The following OPRM1 variants were observed in gnomAD, a reference collection of about 807,000 sequenced individuals.
OPRM1 encodes the protein mu-type opioid receptor.
OPRM1 carries 27 observed loss-of-function variants against 31.8 expected under a neutral mutation model. That is an observed-to-expected ratio of 0.85 (90% CI 0.63 to 1.17). The LOEUF (loss-of-function observed/expected upper bound fraction) is 1.17. Ranked by LOEUF, OPRM1 falls within the 50% of genes most tolerant of loss-of-function variation. The pLI is 0.00. For missense variants in OPRM1, 536 were observed against 511.1 expected, an observed-to-expected ratio of 1.05 and a Z score of -0.47; for synonymous variants, 196 against 189.9, an observed-to-expected ratio of 1.03 and a Z score of -0.26.
intron 3 of OPRM1, among the ~76,000 whole-genome samples, chr6:154,206,999 G>A (rs949205168): frequency 6.6e-6 from 1 of 152,234 alleles, no homozygotes; most frequent in Non-Finnish European, 1.5e-5. Flanking sequence ...TTTTGTGCAG[G>A]TGAATCAATG....
intron 3 of OPRM1, among the ~76,000 whole-genome samples, chr6:154,224,191 A>G (rs1192818279): frequency 1.3e-5 from 2 of 152,216 alleles, no homozygotes; most frequent in African/African-American, 4.8e-5. Context: ...TTGAAAATAC[A>G]ATCTTAATTT....
intron 3 of OPRM1, chr6:154,107,850 CA>C: frequency 1.4e-6 from 1 of 702,496 alleles, no homozygotes; most frequent in Non-Finnish European, 2.6e-6. Context: ...TATCCCTCAA[CA>C]CAGAAAAACG....
chr6:154,052,349 A>G lies in OPRM1; in HGVS notation c.290+12515A>G, dbSNP rs570973908. ...CTTGGAACTTAGAGTAAAATAAAAT[A>G]AAATAGGTAGAAAGTAAATATTTCT... On this transcript the variant is annotated intron_variant, in intron 1 of 3. Coordinates refer to ENST00000330432, the MANE Select transcript of OPRM1 (RefSeq NM_000914.5). 3.3e-5 allele frequency among the ~76,000 whole-genome samples: 5 copies of G among 152,348 alleles called. No individual in the cohort carries two copies. In the South Asian group the frequency reaches 1.0e-3, roughly 32 times the overall value.
At chr6:154,226,934 C>T (rs1365816836) in intron 3 of OPRM1, among the ~76,000 whole-genome samples, 1 of 152,222 alleles carries the variant, frequency 6.6e-6, no homozygotes, top group Non-Finnish European at 1.5e-5. Flanking sequence ...CAGTGGCTCA[C>T]GCCTGTAATC....
chr6:154,191,023 T>G lies in OPRM1; in HGVS notation c.1165-55670T>G, dbSNP rs919720752. Among the ~76,000 whole-genome samples, 22 of 152,180 alleles carry G rather than the reference T, an allele frequency of 1.4e-4. 1 individual carries two copies. The highest frequency in any genetic ancestry group is 3.3e-4 in the Admixed American group (5 of 15,286). ...CTGAGCCGAGATCGCGCCACTGCACTGCAGCCTGGACGACAGAGAGAGACT... is the reference window on the plus strand; with the variant it reads ...CTGAGCCGAGATCGCGCCACTGCACGGCAGCCTGGACGACAGAGAGAGACT... On this transcript the variant is annotated intron_variant, in intron 3 of 3. Transcript: ENST00000337049.
chr6:154,017,526 C>T (rs1778075479), intron 1 of OPRM1, among the ~76,000 whole-genome samples: 1 of 152,134 alleles, frequency 6.6e-6, no homozygotes, highest in Non-Finnish European at 1.5e-5. Flanking sequence ...CTAGTTCACG[C>T]ACCTGGATAC....
intron 3 of OPRM1, among the ~76,000 whole-genome samples, chr6:154,140,681 TCC>T (rs201231463): frequency 0.011 from 1,621 of 152,076 alleles, 16 homozygotes; most frequent in Middle Eastern, 0.031. Context: ...CATATGCAGC[TCC>T]AGATAGGGCA....
chr6:154,201,288 C>G (rs1194396678), intron 3 of OPRM1, among the ~76,000 whole-genome samples: 1 of 152,196 alleles, frequency 6.6e-6, no homozygotes, highest in Non-Finnish European at 1.5e-5. Flanking sequence ...AGATTTTTAT[C>G]TTTGCTACAT....
At chr6:154,046,079 T>C (rs1295840197) in intron 1 of OPRM1, among the ~76,000 whole-genome samples, 3 of 152,224 alleles carry the variant, frequency 2.0e-5, no homozygotes, top group African/African-American at 7.2e-5. Context: ...CCTGTTATTT[T>C]ATAATTGGTG....
At chr6:154,041,130 G>A (rs1241530548) in intron 1 of OPRM1, among the ~76,000 whole-genome samples, 2 of 152,202 alleles carry the variant, frequency 1.3e-5, no homozygotes, top group East Asian at 3.9e-4. Flanking sequence ...TTACCCAGGT[G>A]CTGCAAATTG....
At chr6:154,205,493 G>C (rs1032146285) in intron 3 of OPRM1, among the ~76,000 whole-genome samples, 8 of 152,172 alleles carry the variant, frequency 5.3e-5, no homozygotes, top group African/African-American at 1.9e-4. Flanking sequence ...TACTTGGGAG[G>C]CTGAGGCAGG....
At chr6:154,105,747 A>C (rs1414905466) in intron 3 of OPRM1, among the ~76,000 whole-genome samples, 1 of 152,222 alleles carries the variant, frequency 6.6e-6, no homozygotes, top group Non-Finnish European at 1.5e-5. Flanking sequence ...CCAGTAACAC[A>C]TTTATGCAAA....
intron 3 of OPRM1, among the ~76,000 whole-genome samples, chr6:154,099,307 GAAAGGAAGGAAGGAAGGAAGGA>G (rs1467382001): frequency 1.8e-5 from 1 of 54,550 alleles, no homozygotes. Flanking sequence ...AAGGAAGGAA[GAAAGGAAGGAAGGAAGGAAGGA>G]AGGGAGGGAG....
At chr6:154,202,700 G>A (rs556974846) in intron 3 of OPRM1, among the ~76,000 whole-genome samples, 2 of 152,302 alleles carry the variant, frequency 1.3e-5, no homozygotes, top group South Asian at 4.1e-4. Context: ...TCTGCTTAAA[G>A]TATCAAGACC....
At chr6:154,243,474 C>T (rs1356281028) in intron 3 of OPRM1, among the ~76,000 whole-genome samples, 2 of 152,184 alleles carry the variant, frequency 1.3e-5, no homozygotes, top group Non-Finnish European at 2.9e-5. Context: ...AAAAGGTAGA[C>T]TATGCATTGG....
Position 154,039,359 on chromosome 6 carries a change from A to G in OPRM1, c.-186A>G. On this transcript the variant is annotated 5_prime_UTR_variant, in exon 1 of 4. An upstream start codon of the reference 5' UTR is lost. Coordinates refer to ENST00000330432, the MANE Select transcript of OPRM1 (RefSeq NM_000914.5). ...GGGAGGGGGCTATACGCAGAGGAGA[A>G]TGTCAGATGCTCAGCTCGGTCCCCT... is the stretch of plus-strand genomic sequence containing the variant. 1 of 1,545,568 alleles carries G rather than the reference A, an allele frequency of 6.5e-7. No homozygotes were observed. The highest frequency in any genetic ancestry group is 8.7e-7 in the Non-Finnish European group (1 of 1,143,248).
upstream of OPRM1, among the ~76,000 whole-genome samples, chr6:154,034,540 T>G (rs1024297943): frequency 3.3e-5 from 5 of 152,108 alleles, no homozygotes; most frequent in Admixed American, 6.6e-5. Context: ...AGAGTGAGAC[T>G]CTGTTTTAAA....
downstream of OPRM1, among the ~76,000 whole-genome samples, chr6:154,134,180 A>G (rs1361822010): frequency 6.6e-6 from 1 of 152,188 alleles, no homozygotes; most frequent in Non-Finnish European, 1.5e-5. Flanking sequence ...TCTGTCACCT[A>G]AATTCCCAGG....
chr6:154,187,350 G>A (rs918553143), intron 3 of OPRM1, among the ~76,000 whole-genome samples: 1 of 152,006 alleles, frequency 6.6e-6, no homozygotes, highest in Non-Finnish European at 1.5e-5. Context: ...GTTTCCTACT[G>A]TTTCCCTACC....
Sources: gnomAD v4.1 joint callset for allele counts (sites outside exome capture counted in the v4.1 genomes callset) on GRCh38, gnomAD v4.1.1 for gene constraint, MANE v1.5 for transcripts, NCBI Gene and HGNC (gene_info 2026-07-23, HGNC 2026-07-21) for gene names.